IMMP2L: variants seen among roughly 807,000 people sequenced by gnomAD.
IMMP2L encodes inner mitochondrial membrane peptidase subunit 2.
A neutral mutation model predicts 19.3 loss-of-function variants in IMMP2L; 18 were observed. The ratio of observed to expected loss-of-function variants is 0.93; its 90% CI spans 0.64 to 1.38. The LOEUF is 1.38. Ranked by LOEUF, IMMP2L falls within the 40% of genes most tolerant of loss-of-function variation. The pLI is 0.00. For missense variants in IMMP2L, 233 were observed against 218.2 expected (o/e 1.07, Z -0.43); for synonymous variants, 76 against 73.0 (o/e 1.04, Z -0.21).
chr7:111,421,677 T>C (rs545852878), intron 3 of IMMP2L, among the ~76,000 whole-genome samples: 5 of 151,904 alleles, frequency 3.3e-5, no homozygotes, highest in Admixed American at 2.0e-4. Context: ...GATTGCCTGT[T>C]CACTCTGATG....
intron 3 of IMMP2L, among the ~76,000 whole-genome samples, chr7:111,036,908 AT>A (rs1563182052): frequency 1.3e-5 from 2 of 152,314 alleles, no homozygotes; most frequent in East Asian, 3.9e-4. Flanking sequence ...GGGTTTTGCA[AT>A]TAAAAAGAAA....
In IMMP2L at chr7:111,343,398, G is replaced by A. The variant is rs147956122; in HGVS notation, c.239+143840C>T. 1.2e-4 allele frequency among the ~76,000 whole-genome samples: 19 copies of A among 152,094 alleles called. No homozygotes were observed. The East Asian group carries it at 3.7e-3, about 29-fold the overall frequency. On this transcript the variant is annotated intron_variant, in intron 3 of 5. Transcript: ENST00000405709. The stretch of plus-strand genomic sequence containing the variant: ...TCCTCTTCTGAGCTTTTCAGATTCT[G>A]GCTCTAATCACAAGCTATCACCTCT...
rs185616345 is a variant in IMMP2L at position 110,767,365 on chromosome 7, A to T, written c.409-103644T>A. On this transcript the variant is annotated intron_variant, in intron 5 of 5. Transcript: ENST00000405709. ...TTTAATTTACTTTCAGTATGGGTTT[A>T]AACTGGTTCATTTTTAAATAATTGA... Among the ~76,000 whole-genome samples the T allele has an allele frequency of 9.6e-3, 1,469 of 152,262 alleles. 10 individuals carry two copies. Among genetic ancestry groups the T allele is most frequent in the Admixed American group, 0.015 (227 of 15,284 alleles).
intron 3 of IMMP2L, among the ~76,000 whole-genome samples, chr7:111,267,619 G>A (rs1817969154): frequency 1.3e-5 from 2 of 152,112 alleles, no homozygotes; most frequent in South Asian, 4.1e-4. Context: ...CAACTTCTAA[G>A]GAGGACATTC....
At chr7:111,469,789 A>G (rs1298406702) in intron 3 of IMMP2L, among the ~76,000 whole-genome samples, 2 of 152,166 alleles carry the variant, frequency 1.3e-5, no homozygotes, top group African/African-American at 4.8e-5. Flanking sequence ...AAACCTAGGC[A>G]ATACCATTCA....
chr7:111,493,544 T>C (rs1843295648), intron 2 of IMMP2L, among the ~76,000 whole-genome samples: 1 of 138,840 alleles, frequency 7.2e-6, no homozygotes, highest in Non-Finnish European at 1.5e-5. Flanking sequence ...CTACCAAAAA[T>C]GCAAAAAAAA....
chr7:111,207,279 G>C (rs998872408), intron 3 of IMMP2L, among the ~76,000 whole-genome samples: 6 of 152,130 alleles, frequency 3.9e-5, no homozygotes, highest in African/African-American at 1.4e-4. Context: ...TTGTGCCTCA[G>C]TTTCCTCATA....
At chr7:111,322,750 C>T (rs1011781364) in intron 3 of IMMP2L, among the ~76,000 whole-genome samples, 5 of 151,794 alleles carry the variant, frequency 3.3e-5, no homozygotes, top group Admixed American at 1.3e-4. Context: ...GACCTTTTCA[C>T]CTGCAAATTA....
chr7:111,026,301 C>A (rs987472017), intron 3 of IMMP2L, among the ~76,000 whole-genome samples: 2 of 152,036 alleles, frequency 1.3e-5, no homozygotes, highest in Non-Finnish European at 2.9e-5. Context: ...TTAATGATAT[C>A]TTTTTGCTCC....
chr7:111,028,657 T>C (rs770667803), intron 3 of IMMP2L, among the ~76,000 whole-genome samples: 115 of 152,268 alleles, frequency 7.6e-4, no homozygotes, highest in Non-Finnish European at 7.2e-4. Context: ...TGGGCCTCAT[T>C]ATTTAAGAAG....
At chr7:111,440,890 T>C (rs935222737) in intron 3 of IMMP2L, among the ~76,000 whole-genome samples, 1 of 151,960 alleles carries the variant, frequency 6.6e-6, no homozygotes, top group Non-Finnish European at 1.5e-5. Flanking sequence ...CTGCAGCTTC[T>C]ACATCAGCAC....
intron 3 of IMMP2L, among the ~76,000 whole-genome samples, chr7:110,983,916 C>T (rs537879875): frequency 4.9e-4 from 75 of 152,060 alleles, no homozygotes; most frequent in African/African-American, 1.7e-3. Flanking sequence ...CTATCTCCCC[C>T]AAAATAGCAC....
intron 3 of IMMP2L, among the ~76,000 whole-genome samples, chr7:111,352,804 T>A (rs1197935106): frequency 1.3e-5 from 2 of 152,110 alleles, no homozygotes; most frequent in Non-Finnish European, 2.9e-5. Context: ...ATTTGTGTGA[T>A]CGGGTTTTCA....
intron 3 of IMMP2L, among the ~76,000 whole-genome samples, chr7:111,038,106 A>C (rs2129570324): frequency 6.6e-6 from 1 of 152,272 alleles, no homozygotes; most frequent in South Asian, 2.1e-4. Flanking sequence ...AAGTTAAAAT[A>C]TTTTCTCATA....
intron 3 of IMMP2L, among the ~76,000 whole-genome samples, chr7:111,296,982 G>T (rs529467534): frequency 6.6e-6 from 1 of 151,972 alleles, no homozygotes; most frequent in Non-Finnish European, 1.5e-5. Context: ...TTCTCTAAAT[G>T]GCAAAATTAT....
rs550051443 is a variant in IMMP2L at position 111,294,496 on chromosome 7, T to C, written c.239+192742A>G. 7.8e-4 allele frequency among the ~76,000 whole-genome samples: 118 copies of C among 151,956 alleles called. 1 individual carries two copies. The highest frequency in any genetic ancestry group is 1.5e-3 in the Non-Finnish European group (105 of 67,856). On this transcript the variant is annotated intron_variant, in intron 3 of 5. Transcript: ENST00000405709. The stretch of plus-strand genomic sequence containing the variant: ...TATAAGTAAAAATAACCCTTATATC[T>C]AGGCTGTAATTCTTTTTCCGTGTTT...
At position 110,968,635 on chromosome 7, in the gene IMMP2L, T is replaced by G. The variant is rs1450888224; in HGVS notation, c.240-5070A>C. 2.0e-5 allele frequency among the ~76,000 whole-genome samples: 3 copies of G among 152,224 alleles called. No individual in the cohort carries two copies. The South Asian group carries it at 6.2e-4, about 32-fold the overall frequency. On this transcript the variant is annotated intron_variant, in intron 3 of 5. Coordinates refer to ENST00000405709, the MANE Select transcript of IMMP2L (RefSeq NM_032549.4). ...CTGCAGTGAGCAATGTTGACGCCAA[T>G]GCACTCCAGCTTGGGCAACAGAGTG...
At chr7:111,461,143 C>T (rs1010650760) in intron 3 of IMMP2L, among the ~76,000 whole-genome samples, 27 of 152,160 alleles carry the variant, frequency 1.8e-4, no homozygotes, top group African/African-American at 6.3e-4. Flanking sequence ...ACAAATAATT[C>T]TGTTAGGAAC....
At chr7:111,184,068 A>G (rs970988719) in intron 3 of IMMP2L, among the ~76,000 whole-genome samples, 38 of 152,240 alleles carry the variant, frequency 2.5e-4, no homozygotes, top group African/African-American at 9.1e-4. Flanking sequence ...GAAAGTATCC[A>G]TAAGTAGTAG....
Sources: gnomAD v4.1 joint callset for allele counts (sites outside exome capture counted in the v4.1 genomes callset) on GRCh38, gnomAD v4.1.1 for gene constraint, MANE v1.5 for transcripts, NCBI Gene and HGNC (gene_info 2026-07-23, HGNC 2026-07-21) for gene names.